Variants in ACSM2A observed in about 807,000 individuals in gnomAD.
ACSM2A encodes acyl-CoA synthetase medium chain family member 2A, also known as acyl-coenzyme A synthetase ACSM2A, mitochondrial.
In ACSM2A, 72 loss-of-function variants were observed where a neutral mutation model predicts 76.6. The observed-to-expected ratio is 0.94, with a 90% CI of 0.78 to 1.14. The LOEUF is 1.14. Among genes scored for constraint, ACSM2A ranks in the 50% most tolerant of loss-of-function variants. The pLI is 0.00. For missense variants in ACSM2A, 684 were observed against 708.5 expected (o/e 0.97, Z 0.39); for synonymous variants, 249 against 255.9 (o/e 0.97, Z 0.26).
chr16:20,473,770 G>A (rs1431114813), intron 6 of ACSM2A, among the ~76,000 whole-genome samples: 2 of 151,848 alleles, frequency 1.3e-5, no homozygotes, highest in African/African-American at 4.8e-5. Flanking sequence ...AGTGGGAGTG[G>A]GACATGCCTC....
chr16:20,474,141 G>C (rs1324252054), intron 6 of ACSM2A: 1 of 411,036 alleles, frequency 2.4e-6, no homozygotes, highest in Non-Finnish European at 4.7e-6. Flanking sequence ...ACCAATTTGG[G>C]CACGTGTTCT....
At chr16:20,474,667 A>G (rs561724482) in intron 6 of ACSM2A, among the ~76,000 whole-genome samples, 10 of 152,356 alleles carry the variant, frequency 6.6e-5, no homozygotes, top group Non-Finnish European at 1.2e-4. Flanking sequence ...ACAGGAATAC[A>G]TGCTGCAAAT....
At chr16:20,471,237 C>G (rs776216589) in intron 5 of ACSM2A, 21 bp downstream of exon 5, 2 of 1,604,778 alleles carry the variant, frequency 1.2e-6, no homozygotes, top group Non-Finnish European at 1.7e-6. Flanking sequence ...CTCTTTCTCT[C>G]TACAGAGAAT....
At chr16:20,483,965 C>T (rs1356368623) in intron 13 of ACSM2A, among the ~76,000 whole-genome samples, 7 of 151,780 alleles carry the variant, frequency 4.6e-5, no homozygotes, top group Non-Finnish European at 8.8e-5. Flanking sequence ...TCTTGGAATG[C>T]TTTTTCTTTG....
rs141958930 is a variant in ACSM2A at position 20,479,447 on chromosome 16, T to A, written c.1281+770T>A. Among the ~76,000 whole-genome samples the A allele has an allele frequency of 2.2e-4, 34 of 152,264 alleles. No individual in the cohort carries two copies. In the East Asian group the frequency reaches 3.5e-3, roughly 16 times the overall value. On this transcript the variant is annotated intron_variant, in intron 10 of 13. Coordinates refer to ENST00000573854, the MANE Select transcript of ACSM2A (RefSeq NM_001308172.2). ...CACCCTATAAAGTTTTTGGACTCAG[T>A]TTGCTCGAGTTCAAAACCCTGCTCT...
intron 13 of ACSM2A, 29 bp from the exon 14 acceptor site, chr16:20,486,545 C>A: frequency 6.2e-7 from 1 of 1,611,982 alleles, no homozygotes; most frequent in Non-Finnish European, 8.5e-7. Context: ...CACAGATCAC[C>A]CACCCTGGAC....
intron 4 of ACSM2A, among the ~76,000 whole-genome samples, chr16:20,469,990 A>C (rs1183651545): frequency 6.6e-6 from 1 of 151,878 alleles, no homozygotes; most frequent in Non-Finnish European, 1.5e-5. Flanking sequence ...AAAGGATTGA[A>C]AAGCACTGAT....
At chr16:20,481,145 T>A (rs550453590) in intron 12 of ACSM2A, 1 of 584,420 alleles carries the variant, frequency 1.7e-6, no homozygotes, top group East Asian at 2.9e-5. Flanking sequence ...GTGCTAATAT[T>A]TGTAAAGTAC....
chr16:20,486,973 A>G lies in ACSM2A; in HGVS notation c.*295A>G, dbSNP rs1376376423. The G allele has an allele frequency of 3.9e-6, 1 of 256,192 alleles. No individual in the cohort carries two copies. Among genetic ancestry groups the G allele is most frequent in the Non-Finnish European group, 7.3e-6 (1 of 136,158 alleles). 15.9% of individuals were successfully genotyped at this position (256,192 alleles called of 1,614,324 possible). A position where few individuals can be genotyped will look rare whatever the true frequency, so the allele number is the denominator to read the frequency against. ...TGAAAAAGAAATAAAGTAGGGAAAG[A>G]AGGAGAGAGGAAGCAAGGGAAGGAG... On this transcript the variant is annotated 3_prime_UTR_variant, in exon 14 of 14. Coordinates refer to ENST00000573854, the MANE Select transcript of ACSM2A (RefSeq NM_001308172.2).
At chr16:20,485,547 C>T (rs1198706031) in intron 13 of ACSM2A, among the ~76,000 whole-genome samples, 2 of 152,194 alleles carry the variant, frequency 1.3e-5, no homozygotes, top group African/African-American at 4.8e-5. Context: ...CAACTTTGCC[C>T]ATGCAATGCT....
In ACSM2A at chr16:20,469,539, A is replaced by T; in HGVS notation, c.416A>T (p.Gln139Leu). ...AGLIFMPGTI[Q>L]MKSTDILYRL... ...CTCATCTTTATGCCTGGAACCATCCAGATGAAATCCACTGACATACTGTAT... is the reference window on the plus strand; with the variant it reads ...CTCATCTTTATGCCTGGAACCATCCTGATGAAATCCACTGACATACTGTAT... Residue 139 changes from glutamine (Q) to leucine (L), a missense_variant, in exon 4 of 14, where the codon CAG (glutamine) becomes CTG (leucine). Gln to Leu is a moderately radical substitution (Grantham distance 113). Coordinates refer to ENST00000573854, the MANE Select transcript of ACSM2A (RefSeq NM_001308172.2). 6.2e-7 allele frequency: 1 copy of T among 1,613,500 alleles called. No individual in the cohort carries two copies. The highest frequency in any genetic ancestry group is 8.5e-7 in the Non-Finnish European group (1 of 1,179,488).
intron 1 of ACSM2A, among the ~76,000 whole-genome samples, chr16:20,455,002 A>G (rs1040588361): frequency 6.6e-5 from 10 of 151,132 alleles, no homozygotes; most frequent in Admixed American, 1.3e-4. Context: ...AGAGAAAAAC[A>G]CACTGAAAAG....
At chr16:20,475,864 A>G (rs1466501236) in intron 8 of ACSM2A, 91 bp downstream of exon 8, 1 of 1,579,850 alleles carries the variant, frequency 6.3e-7, no homozygotes, top group African/African-American at 1.4e-5. Context: ...ACCATGTATC[A>G]TTCATCTATT....
intron 1 of ACSM2A, chr16:20,453,388 A>G (rs1280685159): frequency 6.6e-6 from 1 of 151,430 alleles, no homozygotes; most frequent in East Asian, 2.0e-4. Flanking sequence ...TCTGAACATA[A>G]ATTGTGAAGA....
Position 20,465,559 on chromosome 16 carries a change from G to T in ACSM2A, c.220G>T (p.Gly74Trp), listed in dbSNP as rs1478667703. Reference protein sequence around the residue: ...LPSPALWWVNGKGKELMWNFR... With the variant: ...LPSPALWWVNWKGKELMWNFR... ...AAGCCCAGCCCTGTGGTGGGTGAATGGGAAGGGGAAGGAATTAATGTGGAA... is the reference window on the plus strand; with the variant it reads ...AAGCCCAGCCCTGTGGTGGGTGAATTGGAAGGGGAAGGAATTAATGTGGAA... Residue 74 changes from glycine (G) to tryptophan (W), a missense_variant, in exon 3 of 14, where the codon GGG (glycine) becomes TGG (tryptophan). By Grantham distance (184) the Gly-to-Trp change is radical. Around this residue, in one of 3 missense-constraint regions of ACSM2A, gnomAD observed 519 missense variants for 549.5 expected, o/e 0.94. Coordinates refer to ENST00000573854, the MANE Select transcript of ACSM2A (RefSeq NM_001308172.2). 3.7e-6 allele frequency: 6 copies of T among 1,613,780 alleles called. No homozygotes were observed. Among genetic ancestry groups the T allele is most frequent in the Middle Eastern group, 3.3e-4 (2 of 6,056 alleles).
At chr16:20,472,422 T>C (rs2141729490) in intron 6 of ACSM2A, among the ~76,000 whole-genome samples, 1 of 152,210 alleles carries the variant, frequency 6.6e-6, no homozygotes, top group East Asian at 1.9e-4. Context: ...ATAAAGGCAC[T>C]CATGCTATCA....
At chr16:20,478,071 C>T (rs1422031239) in intron 9 of ACSM2A, among the ~76,000 whole-genome samples, 3 of 152,202 alleles carry the variant, frequency 2.0e-5, no homozygotes, top group Non-Finnish European at 4.4e-5. Flanking sequence ...TATCCAGTTA[C>T]TTGCCATGCC....
chr16:20,461,218 C>T (rs1187122494), intron 2 of ACSM2A, among the ~76,000 whole-genome samples: 1 of 147,404 alleles, frequency 6.8e-6, no homozygotes, highest in Admixed American at 6.7e-5. Flanking sequence ...AAGTTCCCTA[C>T]ACTATGAAAC....
intron 6 of ACSM2A, among the ~76,000 whole-genome samples, chr16:20,471,952 G>A (rs555804502): frequency 3.0e-4 from 46 of 152,154 alleles, no homozygotes; most frequent in Non-Finnish European, 4.7e-4. Context: ...CAAATGTAAC[G>A]GGCTCTTCCG....
Sources: allele counts gnomAD v4.1 joint callset (sites outside exome capture counted in the v4.1 genomes callset), GRCh38; gene constraint gnomAD v4.1.1; regional missense constraint gnomAD v4.1.1; transcripts MANE v1.5; gene names NCBI Gene and HGNC (gene_info 2026-07-23, HGNC 2026-07-21).